EPHA6: variants seen among roughly 807,000 people sequenced by gnomAD.
The protein encoded by EPHA6 is ephrin type-A receptor 6.
Under a neutral mutation model 112.0 loss-of-function variants are expected in EPHA6, and 50 were observed. The ratio of observed to expected loss-of-function variants is 0.45; its 90% CI spans 0.36 to 0.56. The LOEUF (loss-of-function observed/expected upper bound fraction) is 0.56. Ranked by LOEUF, EPHA6 falls within the 20% of genes least tolerant of loss-of-function variation. The pLI, the probability that EPHA6 is intolerant of heterozygous loss-of-function variation, is 0.00. For missense variants in EPHA6, 1,280 were observed against 1,417.4 expected (o/e 0.90, Z 1.56); for synonymous variants, 529 against 490.7 (o/e 1.08, Z -1.03).
At position 97,502,028 on chromosome 3, in the gene EPHA6, C is replaced by T. The variant is rs370375223; in HGVS notation, c.2200+17969C>T. ...GACAAGACAAGATGATGGATCCTCA[C>T]GACATTACCCCCTATACCCAGGGCT... On this transcript the variant is annotated intron_variant, in intron 10 of 17. Coordinates refer to ENST00000389672, the MANE Select transcript of EPHA6 (RefSeq NM_001080448.3). 4.7e-4 allele frequency among the ~76,000 whole-genome samples: 72 copies of T among 151,856 alleles called. 1 individual carries two copies. Among genetic ancestry groups the T allele is most frequent in the African/African-American group, 1.4e-3 (59 of 41,310 alleles).
intron 5 of EPHA6, among the ~76,000 whole-genome samples, chr3:97,372,830 G>A (rs1046069533): frequency 3.3e-5 from 5 of 151,996 alleles, no homozygotes; most frequent in Admixed American, 6.6e-5. Context: ...GTTAGCAAAC[G>A]TAGCTGGACT....
At chr3:96,940,220 T>C (rs369314374) in intron 2 of EPHA6, among the ~76,000 whole-genome samples, 272 of 152,310 alleles carry the variant, frequency 1.8e-3, no homozygotes, top group Middle Eastern at 0.01. Flanking sequence ...CTTCCATTAT[T>C]ATTGTGTGGG....
chr3:97,535,052 A>T (rs1209287173), intron 11 of EPHA6, among the ~76,000 whole-genome samples: 1 of 151,140 alleles, frequency 6.6e-6, no homozygotes, highest in East Asian at 1.9e-4. Context: ...AATCACAGAC[A>T]CACACACACA....
chr3:97,500,001 A>G (rs1178767525), intron 10 of EPHA6, among the ~76,000 whole-genome samples: 1 of 152,190 alleles, frequency 6.6e-6, no homozygotes, highest in Non-Finnish European at 1.5e-5. Context: ...AACACTCAGA[A>G]TAAAGCACGA....
chr3:96,992,288 C>G (rs1163378022), intron 3 of EPHA6, among the ~76,000 whole-genome samples: 1 of 152,188 alleles, frequency 6.6e-6, no homozygotes, highest in African/African-American at 2.4e-5. Context: ...CTCACAATCT[C>G]CATGCTATTC....
At chr3:97,571,557 AT>A (rs11285247) in intron 11 of EPHA6, among the ~76,000 whole-genome samples, 26,494 of 151,938 alleles carry the variant, frequency 0.17, 3,142 homozygotes, top group Non-Finnish European at 0.26. Context: ...CTCAAATGCC[AT>A]TTTTTTCTTA....
intron 1 of EPHA6, among the ~76,000 whole-genome samples, chr3:96,828,769 T>C (rs1411008942): frequency 6.6e-6 from 1 of 152,284 alleles, no homozygotes; most frequent in East Asian, 1.9e-4. Context: ...AGCTTCCTAA[T>C]ACGTTTTGGT....
intron 14 of EPHA6, among the ~76,000 whole-genome samples, chr3:97,676,454 G>T (rs930078871): frequency 6.6e-6 from 1 of 152,156 alleles, no homozygotes; most frequent in Non-Finnish European, 1.5e-5. Flanking sequence ...AGAGACAAAG[G>T]TTTAATTGGA....
At chr3:97,391,185 A>G (rs989824683) in intron 5 of EPHA6, among the ~76,000 whole-genome samples, 4 of 151,984 alleles carry the variant, frequency 2.6e-5, no homozygotes, top group African/African-American at 9.7e-5. Context: ...TGCATGGAGT[A>G]CATAAATCAA....
rs1439233685 is a variant in EPHA6 at position 97,466,352 on chromosome 3, C to T, written c.1895-9000C>T. ...AGTTTGGATATATAAAGTCCTGCAT[C>T]GCCCTGCCCCATATCAGCATTTACA... On this transcript the variant is annotated intron_variant, in intron 7 of 17. Transcript: ENST00000389672. 9.3e-6 allele frequency: 15 copies of T among 1,605,880 alleles called. No homozygotes were observed. In the African/African-American group the frequency reaches 1.1e-4, roughly 12 times the overall value.
At chr3:97,683,931 G>A (rs541550953) in intron 14 of EPHA6, among the ~76,000 whole-genome samples, 4 of 152,182 alleles carry the variant, frequency 2.6e-5, no homozygotes, top group East Asian at 3.9e-4. Flanking sequence ...ATCAATCATA[G>A]GCAAAGAGAA....
chr3:97,649,859 T>C (rs1287770154), intron 14 of EPHA6, among the ~76,000 whole-genome samples: 1 of 152,052 alleles, frequency 6.6e-6, no homozygotes, highest in Non-Finnish European at 1.5e-5. Context: ...TTGACCATTA[T>C]AATTCGCTGA....
At chr3:97,699,139 C>T (rs986810890) in intron 14 of EPHA6, among the ~76,000 whole-genome samples, 1 of 152,158 alleles carries the variant, frequency 6.6e-6, no homozygotes, top group Non-Finnish European at 1.5e-5. Flanking sequence ...GAAACACATA[C>T]TTCTGGTTGT....
intron 3 of EPHA6, among the ~76,000 whole-genome samples, chr3:97,159,479 G>C (rs1035132299): frequency 1.3e-5 from 2 of 152,152 alleles, no homozygotes; most frequent in African/African-American, 4.8e-5. Flanking sequence ...TGGGAAAATA[G>C]TGAGTGGTGC....
At chr3:97,476,441 T>C (rs2091371347) in intron 8 of EPHA6, among the ~76,000 whole-genome samples, 1 of 152,118 alleles carries the variant, frequency 6.6e-6, no homozygotes, top group Admixed American at 6.6e-5. Flanking sequence ...CAGAAAACAT[T>C]GGTACGTCAG....
At chr3:97,520,829 A>G (rs1414690155) in intron 10 of EPHA6, among the ~76,000 whole-genome samples, 1 of 152,206 alleles carries the variant, frequency 6.6e-6, no homozygotes, top group Non-Finnish European at 1.5e-5. Context: ...CTTCTGGAAC[A>G]TTGAAAATTT....
At chr3:96,829,059 A>G (rs1207794983) in intron 1 of EPHA6, among the ~76,000 whole-genome samples, 1 of 152,150 alleles carries the variant, frequency 6.6e-6, no homozygotes, top group Non-Finnish European at 1.5e-5. Flanking sequence ...TGGAGGTTGG[A>G]AGCTGTCTCA....
intron 2 of EPHA6, among the ~76,000 whole-genome samples, chr3:96,954,227 G>C (rs916220143): frequency 5.9e-5 from 9 of 152,062 alleles, no homozygotes; most frequent in African/African-American, 2.2e-4. Context: ...GACAGCCAGC[G>C]GAATGACCCA....
At chr3:97,718,458 G>T (rs866515322) in intron 14 of EPHA6, among the ~76,000 whole-genome samples, 21 of 151,644 alleles carry the variant, frequency 1.4e-4, no homozygotes, top group East Asian at 1.9e-4. Flanking sequence ...CAATGATTTG[G>T]TTTTTTTTAA....
Sources: gnomAD v4.1 joint callset for allele counts (sites outside exome capture counted in the v4.1 genomes callset) on GRCh38, gnomAD v4.1.1 for gene constraint, MANE v1.5 for transcripts, NCBI Gene and HGNC (gene_info 2026-07-23, HGNC 2026-07-21) for gene names.